Variants in RACGAP1 observed in about 807,000 individuals in gnomAD.
RACGAP1 encodes Rac GTPase activating protein 1.
In RACGAP1, 30 loss-of-function variants were observed where a neutral mutation model predicts 78.1. The observed-to-expected ratio is 0.38, with a 90% confidence interval of 0.29 to 0.52. The LOEUF is 0.52. Among genes scored for constraint, RACGAP1 ranks in the 20% least tolerant of loss-of-function variants. The pLI is 0.82. For missense variants in RACGAP1, 587 were observed against 777.1 expected (o/e 0.76, Z 2.91); for synonymous variants, 231 against 264.8 (o/e 0.87, Z 1.24).
upstream of RACGAP1, among the ~76,000 whole-genome samples, chr12:50,029,259 G>A (rs554992958): frequency 4.7e-5 from 7 of 148,662 alleles, no homozygotes; most frequent in African/African-American, 1.5e-4. Context: ...TGGTCTGCAC[G>A]CCTATAGTCC....
intron 2 of RACGAP1, among the ~76,000 whole-genome samples, chr12:50,010,940 AAAAAATGAATAC>A (rs1400494742): frequency 1.3e-5 from 2 of 151,146 alleles, no homozygotes; most frequent in Non-Finnish European, 3.0e-5. Context: ...TGTCTCAAAA[AAAAAATGAATAC>A]AAAAAAGAGA....
At chr12:50,026,358 AAAAAG>A (rs1272900168), upstream of RACGAP1, among the ~76,000 whole-genome samples, 2 of 152,186 alleles carry the variant, frequency 1.3e-5, no homozygotes, top group Non-Finnish European at 2.9e-5. Context: ...TTAAAAAAAA[AAAAAG>A]AAAAGAAAGA....
At chr12:50,029,615 T>C (rs10161020), upstream of RACGAP1, among the ~76,000 whole-genome samples, 24,561 of 151,598 alleles carry the variant, frequency 0.16, 3,256 homozygotes, top group African/African-American at 0.36. Flanking sequence ...ATTTGAGGGC[T>C]GGGCACGGTG....
At chr12:50,024,022 G>A (rs1449198405) in intron 1 of RACGAP1, among the ~76,000 whole-genome samples, 3 of 151,932 alleles carry the variant, frequency 2.0e-5, no homozygotes, top group Non-Finnish European at 4.4e-5. Flanking sequence ...TTAGCCGGGC[G>A]TGGTGACGGG....
At chr12:50,001,060 A>G (rs1224773337) in intron 7 of RACGAP1, 112 bp downstream of exon 7, 3 of 923,656 alleles carry the variant, frequency 3.2e-6, no homozygotes, top group African/African-American at 3.3e-5. Flanking sequence ...AAAAACAAAC[A>G]AAAACTTTAA....
chr12:49,997,687 C>G (rs1390085001), intron 9 of RACGAP1, among the ~76,000 whole-genome samples: 2 of 152,114 alleles, frequency 1.3e-5, no homozygotes, highest in Non-Finnish European at 2.9e-5. Context: ...AAGCGATTCT[C>G]CTGCCTCAGC....
At chr12:50,027,857 C>A (rs540442488), upstream of RACGAP1, among the ~76,000 whole-genome samples, 1 of 152,152 alleles carries the variant, frequency 6.6e-6, no homozygotes, top group African/African-American at 2.4e-5. Context: ...AATCAATACA[C>A]GAGAAAGCGT....
At chr12:50,022,270 C>T (rs1189228605) in intron 1 of RACGAP1, among the ~76,000 whole-genome samples, 1 of 152,138 alleles carries the variant, frequency 6.6e-6, no homozygotes, top group East Asian at 1.9e-4. Context: ...TATTATTAAT[C>T]TTCTATGTTC....
At chr12:49,991,221 A>T (rs1240758174) in intron 15 of RACGAP1, among the ~76,000 whole-genome samples, 1 of 151,980 alleles carries the variant, frequency 6.6e-6, no homozygotes, top group Non-Finnish European at 1.5e-5. Flanking sequence ...TCAAGTTGGT[A>T]AAACATACCA....
chr12:50,022,860 A>G (rs978737466), intron 1 of RACGAP1, among the ~76,000 whole-genome samples: 1 of 152,146 alleles, frequency 6.6e-6, no homozygotes, highest in African/African-American at 2.4e-5. Flanking sequence ...AATCTCTTGC[A>G]TGGTCACTCT....
intron 16 of RACGAP1, 151 bp from the exon 17 acceptor site, chr12:49,990,494 C>A: frequency 2.4e-6 from 2 of 825,058 alleles, no homozygotes; most frequent in South Asian, 1.7e-5. Context: ...TCACCAACAA[C>A]GAGAGAGGGG....
At chr12:50,029,833 C>T (rs2137776599), upstream of RACGAP1, among the ~76,000 whole-genome samples, 1 of 152,218 alleles carries the variant, frequency 6.6e-6, no homozygotes, top group East Asian at 1.9e-4. Context: ...GTGGAGGTTG[C>T]AGTGAGCTGA....
At chr12:49,991,479 A>ATATATATTT (rs1555169074) in intron 15 of RACGAP1, among the ~76,000 whole-genome samples, 1 of 24,090 alleles carries the variant, frequency 4.2e-5, no homozygotes, top group African/African-American at 1.4e-4. Context: ...ATATATATAT[A>ATATATATTT]TTTTTTTTTT....
intron 1 of RACGAP1, chr12:50,018,629 A>G (rs1322239265): frequency 8.9e-7 from 1 of 1,123,036 alleles, no homozygotes; most frequent in Non-Finnish European, 1.2e-6. Flanking sequence ...TAGTTTTAAT[A>G]TAAGGTATTA....
At chr12:49,995,561 C>T (rs73119648) in intron 10 of RACGAP1, among the ~76,000 whole-genome samples, 13,865 of 151,734 alleles carry the variant, frequency 0.091, 742 homozygotes, top group South Asian at 0.15. Context: ...GGTGTGATCA[C>T]AGCTCACTGC....
chr12:50,008,539 C>A (rs1223890870), intron 2 of RACGAP1, among the ~76,000 whole-genome samples: 1 of 151,916 alleles, frequency 6.6e-6, no homozygotes, highest in Non-Finnish European at 1.5e-5. Flanking sequence ...GTCACCCAGA[C>A]TGGAGTGCAG....
intron 2 of RACGAP1, among the ~76,000 whole-genome samples, chr12:50,008,497 C>A (rs1949112538): frequency 6.6e-6 from 1 of 151,326 alleles, no homozygotes; most frequent in Admixed American, 6.6e-5. Context: ...CTGTGCCCAG[C>A]CTACTTTTCA....
upstream of RACGAP1, among the ~76,000 whole-genome samples, chr12:50,033,376 G>A (rs1016292082): frequency 1.3e-5 from 2 of 152,000 alleles, no homozygotes; most frequent in Non-Finnish European, 2.9e-5. Flanking sequence ...CCTCTGGCTG[G>A]GACTCAAGAC....
chr12:50,006,353 A>G, intron 3 of RACGAP1, 81 bp downstream of exon 3: 1 of 1,465,386 alleles, frequency 6.8e-7, no homozygotes. Context: ...GAAACTAGGT[A>G]TATTTGGCAA....
Sources: gnomAD v4.1 joint callset for allele counts (sites outside exome capture counted in the v4.1 genomes callset) on GRCh38, gnomAD v4.1.1 for gene constraint, MANE v1.5 for transcripts, NCBI Gene and HGNC (gene_info 2026-07-23, HGNC 2026-07-21) for gene names.